Variants in SMG6 observed in about 807,000 individuals in gnomAD.
SMG6 encodes the protein telomerase-binding protein EST1A.
A neutral mutation model predicts 142.2 loss-of-function variants in SMG6; 66 were observed. That is an observed-to-expected ratio of 0.46 (90% CI 0.38 to 0.57). The LOEUF (loss-of-function observed/expected upper bound fraction) is 0.57, where lower values mean the gene tolerates loss of function less well. Ranked by LOEUF, SMG6 falls within the 20% of genes least tolerant of loss-of-function variation. The probability of loss-of-function intolerance (pLI) is 0.00; values close to 1 mark genes in which losing one functional copy is unlikely to be tolerated. For synonymous variants in SMG6, 779 were observed against 702.4 expected, an observed-to-expected ratio of 1.11 and a Z score of -1.72; for missense variants, 1,793 against 1,832.0, an observed-to-expected ratio of 0.98 and a Z score of 0.39.
At chr17:2,067,601 G>C (rs1401096155) in intron 16 of SMG6, among the ~76,000 whole-genome samples, 3 of 152,194 alleles carry the variant, frequency 2.0e-5, no homozygotes, top group Non-Finnish European at 4.4e-5. Context: ...TACTGTTGAA[G>C]AGCAGAAAGC....
At chr17:2,297,009 T>TGA (rs1491042756) in intron 4 of SMG6, among the ~76,000 whole-genome samples, 1 of 65,812 alleles carries the variant, frequency 1.5e-5, no homozygotes, top group Non-Finnish European at 3.3e-5. Flanking sequence ...TCTCAAAAAA[T>TGA]GAAAAAAAAA....
chr17:2,162,691 C>G (rs2071219749), intron 13 of SMG6, among the ~76,000 whole-genome samples: 1 of 152,036 alleles, frequency 6.6e-6, no homozygotes, highest in South Asian at 2.1e-4. Flanking sequence ...AACCAAAAAA[C>G]TTCACTTATA....
intron 13 of SMG6, among the ~76,000 whole-genome samples, chr17:2,120,320 C>T (rs2069647261): frequency 6.6e-6 from 1 of 152,182 alleles, no homozygotes; most frequent in Non-Finnish European, 1.5e-5. Flanking sequence ...AAATTACTTA[C>T]ATCCAGAATA....
chr17:2,270,813 G>T (rs1441435995), intron 8 of SMG6, among the ~76,000 whole-genome samples: 2 of 152,146 alleles, frequency 1.3e-5, no homozygotes, highest in African/African-American at 4.8e-5. Context: ...ATTCCCCAAG[G>T]TGTCACTAGT....
At position 2,180,612 on chromosome 17, in the gene SMG6, G is replaced by A. The variant is rs368839368; in HGVS notation, c.3155+6051C>T. On this transcript the variant is annotated intron_variant, in intron 12 of 18. Coordinates refer to ENST00000263073, the MANE Select transcript of SMG6 (RefSeq NM_017575.5). ...TTTTGACTGGAAGGAAGAGGAGCAT[G>A]GGCAAAGAGGAGAGAACCAAGGAAA... 3.3e-5 allele frequency among the ~76,000 whole-genome samples: 5 copies of A among 152,308 alleles called. No individual in the cohort carries two copies. In the South Asian group the frequency reaches 1.0e-3, roughly 32 times the overall value.
At chr17:2,143,686 C>T (rs1414433578) in intron 13 of SMG6, among the ~76,000 whole-genome samples, 2 of 152,184 alleles carry the variant, frequency 1.3e-5, no homozygotes, top group South Asian at 2.1e-4. Flanking sequence ...AATGAAACAA[C>T]GGAATTGTGT....
chr17:2,286,030 T>C (rs11078024), intron 6 of SMG6, among the ~76,000 whole-genome samples: 86,943 of 151,914 alleles, frequency 0.57, 26,180 homozygotes, highest in East Asian at 0.75. Flanking sequence ...AAACAATTCC[T>C]TTTGCAAAAG....
At chr17:2,164,806 G>A (rs1356933107) in intron 13 of SMG6, among the ~76,000 whole-genome samples, 4 of 151,018 alleles carry the variant, frequency 2.6e-5, no homozygotes, top group East Asian at 4.0e-4. Flanking sequence ...GCGTGGTGAC[G>A]CGTGCCTGTA....
chr17:2,265,155 G>A (rs1292737038), intron 8 of SMG6, among the ~76,000 whole-genome samples: 2 of 152,158 alleles, frequency 1.3e-5, no homozygotes. Flanking sequence ...GGAAGTATGT[G>A]TGGGCCGTTA....
chr17:2,150,263 G>A (rs2070786989), intron 13 of SMG6, among the ~76,000 whole-genome samples: 1 of 152,220 alleles, frequency 6.6e-6, no homozygotes, highest in Admixed American at 6.5e-5. Flanking sequence ...GCTGGATGAT[G>A]GCAAGTGGAA....
At chr17:2,259,470 GAGTTTGACC>G (rs1336270867) in intron 8 of SMG6, among the ~76,000 whole-genome samples, 1 of 151,852 alleles carries the variant, frequency 6.6e-6, no homozygotes, top group Admixed American at 6.6e-5. Context: ...TTGGGCCCAG[GAGTTTGACC>G]AGCCTGGGCA....
chr17:2,250,588 TA>T (rs1206850460), intron 8 of SMG6, among the ~76,000 whole-genome samples: 1 of 152,038 alleles, frequency 6.6e-6, no homozygotes, highest in Non-Finnish European at 1.5e-5. Context: ...GGTCTCACTA[TA>T]TTGCCAAGGA....
chr17:2,194,402 G>A (rs1263757113), intron 10 of SMG6, among the ~76,000 whole-genome samples: 1 of 152,214 alleles, frequency 6.6e-6, no homozygotes, highest in Non-Finnish European at 1.5e-5. Flanking sequence ...CAGTTGGGAA[G>A]CTAAGAGAGC....
At chr17:2,176,213 G>A (rs1212298387) in intron 12 of SMG6, among the ~76,000 whole-genome samples, 2 of 152,180 alleles carry the variant, frequency 1.3e-5, no homozygotes, top group African/African-American at 2.4e-5. Flanking sequence ...TCTGTAGAAG[G>A]AGAAAAGCTT....
intron 8 of SMG6, among the ~76,000 whole-genome samples, chr17:2,253,287 G>A (rs982790346): frequency 4.0e-5 from 6 of 151,894 alleles, no homozygotes; most frequent in Admixed American, 2.0e-4. Flanking sequence ...GACTACAGGC[G>A]CCTGCCACTA....
intron 8 of SMG6, among the ~76,000 whole-genome samples, chr17:2,273,796 C>CA (rs113762228): frequency 7.8e-4 from 107 of 137,094 alleles, no homozygotes; most frequent in Admixed American, 1.0e-3. Flanking sequence ...GACTGTGTCT[C>CA]AAAAAAAAAA....
intron 10 of SMG6, among the ~76,000 whole-genome samples, chr17:2,231,988 A>T (rs2073509838): frequency 6.6e-6 from 1 of 152,124 alleles, no homozygotes; most frequent in Admixed American, 6.5e-5. Flanking sequence ...TAGGCGGTAT[A>T]ATCCAATAAT....
Position 2,084,628 on chromosome 17 carries a change from T to C in SMG6, c.3534+1097A>G, listed in dbSNP as rs1187900613. Among the ~76,000 whole-genome samples the C allele has an allele frequency of 2.0e-5, 3 of 152,310 alleles. No homozygotes were observed. The East Asian group carries it at 5.8e-4, about 29-fold the overall frequency. ...CTTGGCCTGTTGCTGACTTCATCCC[T>C]GTACCCCGCCCTGCTCTACCGGGCG... is the stretch of plus-strand genomic sequence containing the variant. On this transcript the variant is annotated intron_variant, in intron 14 of 18. Coordinates refer to ENST00000263073, the MANE Select transcript of SMG6 (RefSeq NM_017575.5).
At chr17:2,208,691 A>G (rs2072760693) in intron 10 of SMG6, among the ~76,000 whole-genome samples, 1 of 152,258 alleles carries the variant, frequency 6.6e-6, no homozygotes, top group Admixed American at 6.5e-5. Context: ...CTGAAGTCTA[A>G]CAGGACTTGC....
Sources: gnomAD v4.1 joint callset for allele counts (sites outside exome capture counted in the v4.1 genomes callset) on GRCh38, gnomAD v4.1.1 for gene constraint, MANE v1.5 for transcripts, NCBI Gene and HGNC (gene_info 2026-07-23, HGNC 2026-07-21) for gene names.